NUP37: variants seen among roughly 807,000 people sequenced by gnomAD.
The protein encoded by NUP37 is nucleoporin 37.
In NUP37, 33 loss-of-function variants were observed where a neutral mutation model predicts 45.4. The ratio of observed to expected loss-of-function variants is 0.73; its 90% CI spans 0.55 to 0.97. The LOEUF (loss-of-function observed/expected upper bound fraction) is 0.97. Ranked by LOEUF, NUP37 falls within the 50% of genes least tolerant of loss-of-function variation. The probability of loss-of-function intolerance (pLI) is 0.00; values close to 1 mark genes in which losing one functional copy is unlikely to be tolerated. For synonymous variants in NUP37, 127 were observed against 130.7 expected, an observed-to-expected ratio of 0.97 and a Z score of 0.19; for missense variants, 365 against 389.7, an observed-to-expected ratio of 0.94 and a Z score of 0.53.
intron 5 of NUP37, among the ~76,000 whole-genome samples, chr12:102,098,845 G>A (rs1879889639): frequency 6.6e-6 from 1 of 152,086 alleles, no homozygotes; most frequent in South Asian, 2.1e-4. Context: ...TATAGATTTG[G>A]ATTTCATAAA....
chr12:102,104,151 T>C (rs1880055087), intron 3 of NUP37, among the ~76,000 whole-genome samples: 2 of 152,202 alleles, frequency 1.3e-5, no homozygotes, highest in Admixed American at 6.5e-5. Flanking sequence ...GCTTTTCTAG[T>C]AGTGGCAATC....
chr12:102,094,429 C>G (rs1156466689), intron 5 of NUP37, among the ~76,000 whole-genome samples: 1 of 151,640 alleles, frequency 6.6e-6, no homozygotes, highest in African/African-American at 2.4e-5. Context: ...CTTCAGAAGG[C>G]TCTCAGTTTC....
chr12:102,100,907 C>T (rs1555206460), intron 4 of NUP37, 125 bp downstream of exon 4: 1 of 568,210 alleles, frequency 1.8e-6, no homozygotes, highest in Non-Finnish European at 3.1e-6. Context: ...AAATGAGACT[C>T]TAAATTATAT....
chr12:102,102,861 CTTCATT>C (rs1397321060), intron 3 of NUP37, among the ~76,000 whole-genome samples: 1 of 152,172 alleles, frequency 6.6e-6, no homozygotes, highest in African/African-American at 2.4e-5. Flanking sequence ...ACTGTCCTTT[CTTCATT>C]TTATGTTCTT....
chr12:102,115,007 T>C (rs11111167), intron 2 of NUP37, among the ~76,000 whole-genome samples: 28,650 of 152,122 alleles, frequency 0.19, 2,737 homozygotes, highest in Non-Finnish European at 0.21. Flanking sequence ...GAAGACACAC[T>C]AAGCAGCAGA....
At chr12:102,103,026 AT>A (rs548457356) in intron 3 of NUP37, among the ~76,000 whole-genome samples, 1 of 145,884 alleles carries the variant, frequency 6.9e-6, no homozygotes, top group South Asian at 2.1e-4. Flanking sequence ...AGGTAGTGTG[AT>A]GCCTCCGGGT....
intron 3 of NUP37, among the ~76,000 whole-genome samples, chr12:102,106,220 A>C (rs1880150377): frequency 6.6e-6 from 1 of 152,222 alleles, no homozygotes; most frequent in African/African-American, 2.4e-5. Flanking sequence ...ATGTGCCTCC[A>C]AAACTGTGAT....
intron 5 of NUP37, among the ~76,000 whole-genome samples, chr12:102,093,689 T>C (rs1879720769): frequency 6.6e-6 from 1 of 152,084 alleles, no homozygotes; most frequent in South Asian, 2.1e-4. Flanking sequence ...AACTTAAAAT[T>C]TGACTATATG....
chr12:102,107,574 C>G (rs1880189588), intron 3 of NUP37, among the ~76,000 whole-genome samples: 1 of 152,128 alleles, frequency 6.6e-6, no homozygotes, highest in African/African-American at 2.4e-5. Context: ...TATATACACA[C>G]AGTAATGCTC....
Position 102,073,470 on chromosome 12 carries a change from C to T in NUP37, c.*884G>A, listed in dbSNP as rs1029814973. The T allele has an allele frequency of 2.0e-5, 3 of 152,166 alleles. No individual in the cohort carries two copies. Among genetic ancestry groups the T allele is most frequent in the Non-Finnish European group, 4.4e-5 (3 of 68,036 alleles). 9.4% of individuals were successfully genotyped at this position (152,166 alleles called of 1,614,324 possible). A position where few individuals can be genotyped will look rare whatever the true frequency, so the allele number is the denominator to read the frequency against. ...GCTGTTAAAGGTATACACTAGAAGT[C>T]ATTTTTCAAGGTAACTTTTGATCCC... On this transcript the variant is annotated 3_prime_UTR_variant, in exon 10 of 10. Transcript: ENST00000552283.
At chr12:102,088,626 T>C (rs975523883) in intron 5 of NUP37, among the ~76,000 whole-genome samples, 2 of 152,176 alleles carry the variant, frequency 1.3e-5, no homozygotes, top group African/African-American at 2.4e-5. Context: ...TCTGACTTCT[T>C]TTACTCATCA....
intron 9 of NUP37, 199 bp from the exon 10 acceptor site, chr12:102,074,666 T>C (rs1879118596): frequency 1.9e-6 from 1 of 536,546 alleles, no homozygotes; most frequent in Non-Finnish European, 3.3e-6. Flanking sequence ...TATGAATAAC[T>C]GGTACAGTCC....
At chr12:102,114,980 G>A (rs945448517) in intron 2 of NUP37, among the ~76,000 whole-genome samples, 2 of 152,246 alleles carry the variant, frequency 1.3e-5, no homozygotes, top group Non-Finnish European at 2.9e-5. Context: ...TCTGGCCATA[G>A]CTGATCTCCT....
rs548487079 is a variant in NUP37 at position 102,092,249 on chromosome 12, A to G, written c.450-6393T>C. 4.6e-5 allele frequency among the ~76,000 whole-genome samples: 7 copies of G among 152,352 alleles called. No individual in the cohort carries two copies. The East Asian group carries it at 7.7e-4, about 17-fold the overall frequency. ...CAAAAGAAAGAATGGATGACATTAA[A>G]TGACACATCTGTATCCATTTGGCCC... On this transcript the variant is annotated intron_variant, in intron 5 of 9. Coordinates refer to ENST00000552283, the MANE Select transcript of NUP37 (RefSeq NM_024057.4).
At chr12:102,081,114 G>A (rs1251509121) in intron 6 of NUP37, among the ~76,000 whole-genome samples, 1 of 152,116 alleles carries the variant, frequency 6.6e-6, no homozygotes, top group Non-Finnish European at 1.5e-5. Context: ...CTAAGAAGGG[G>A]CTAATAAGAG....
rs56951478 is a variant in NUP37, at chr12:102,087,149, G to C, written c.450-1293C>G. On this transcript the variant is annotated intron_variant, in intron 5 of 9. Coordinates refer to ENST00000552283, the MANE Select transcript of NUP37 (RefSeq NM_024057.4). ...AAAAAAGGACTGAATTCATTCATTGGAATTTTTCTTCTAGGTTTTATAGTT... is the reference window on the plus strand; with the variant it reads ...AAAAAAGGACTGAATTCATTCATTGCAATTTTTCTTCTAGGTTTTATAGTT... 5.9e-4 allele frequency among the ~76,000 whole-genome samples: 90 copies of C among 152,238 alleles called. No individual in the cohort carries two copies. The East Asian group carries it at 0.016, about 27-fold the overall frequency.
chr12:102,075,095 C>T lies in NUP37; in HGVS notation c.774-1G>A. 6.3e-7 allele frequency: 1 copy of T among 1,597,886 alleles called. No individual in the cohort carries two copies. On this transcript the variant is annotated splice_acceptor_variant, in intron 8 of 9. Coordinates refer to ENST00000552283, the MANE Select transcript of NUP37 (RefSeq NM_024057.4). LOFTEE classifies it high-confidence loss of function. The stretch of plus-strand genomic sequence containing the variant: ...CAGATTTTCACTAATTGTGGACCAC[C>T]TAAGAAATAAGGAAGCGTAAAATTA...
chr12:102,074,883 TAACA>T (rs1013078562), intron 9 of NUP37, 114 bp downstream of exon 9: 8 of 533,092 alleles, frequency 1.5e-5, no homozygotes, highest in African/African-American at 1.4e-4. Flanking sequence ...TTTAAGCAGA[TAACA>T]AACGTAAATG....
chr12:102,077,171 T>C lies in NUP37; in HGVS notation c.722+151A>G, dbSNP rs1279145767. ...AAATCTGCATAGCAAGTTTATGTTA[T>C]ATAAAAATCCATAGCTCTGGCCTTC... On this transcript the variant is annotated intron_variant, in intron 7 of 9. Transcript: ENST00000552283. 12 of 756,752 alleles carry C rather than the reference T, an allele frequency of 1.6e-5. No individual in the cohort carries two copies. In the East Asian group the frequency reaches 2.4e-4, roughly 15 times the overall value. The allele number at this position is 756,752 out of a possible 1,614,324, so 46.9% of individuals were successfully genotyped here.
Sources: gnomAD v4.1 joint callset for allele counts (sites outside exome capture counted in the v4.1 genomes callset) on GRCh38, gnomAD v4.1.1 for gene constraint, MANE v1.5 for transcripts, NCBI Gene and HGNC (gene_info 2026-07-23, HGNC 2026-07-21) for gene names.